Variants in CACNA2D3 observed in about 807,000 individuals in gnomAD.
CACNA2D3 encodes calcium voltage-gated channel auxiliary subunit alpha2delta 3.
A neutral mutation model predicts 160.6 loss-of-function variants in CACNA2D3; 60 were observed. The ratio of observed to expected loss-of-function variants is 0.37; its 90% confidence interval spans 0.30 to 0.46. The LOEUF (loss-of-function observed/expected upper bound fraction) is 0.46, where lower values mean the gene tolerates loss of function less well. Among genes scored for constraint, CACNA2D3 ranks in the 20% least tolerant of loss-of-function variants. CACNA2D3 has a pLI of 1.00. For synonymous variants in CACNA2D3, 558 were observed against 492.9 expected, an observed-to-expected ratio of 1.13 and a Z score of -1.75; for missense variants, 1,205 against 1,365.0, an observed-to-expected ratio of 0.88 and a Z score of 1.85.
chr3:54,343,479 T>G (rs1698398680), intron 3 of CACNA2D3, among the ~76,000 whole-genome samples: 1 of 152,078 alleles, frequency 6.6e-6, no homozygotes, highest in Non-Finnish European at 1.5e-5. Flanking sequence ...AGATGGGATT[T>G]CACCATGTGG....
At chr3:54,401,658 C>T (rs1427643844) in intron 4 of CACNA2D3, among the ~76,000 whole-genome samples, 2 of 152,064 alleles carry the variant, frequency 1.3e-5, no homozygotes, top group African/African-American at 2.4e-5. Flanking sequence ...TTAAAGGTGT[C>T]CTTCAGGAAT....
intron 29 of CACNA2D3, among the ~76,000 whole-genome samples, chr3:54,970,435 C>T (rs1702242966): frequency 7.6e-6 from 1 of 131,190 alleles, no homozygotes; most frequent in African/African-American, 2.9e-5. Context: ...CCCTCCTCTC[C>T]TCCCCTCCCC....
intron 11 of CACNA2D3, among the ~76,000 whole-genome samples, chr3:54,717,499 TGTG>T (rs1163593553): frequency 6.6e-6 from 1 of 152,184 alleles, no homozygotes; most frequent in African/African-American, 2.4e-5. Context: ...TTCTGGTGTG[TGTG>T]TCTGTGTATG....
At chr3:54,234,251 T>A (rs1231543455) in intron 2 of CACNA2D3, among the ~76,000 whole-genome samples, 1 of 152,030 alleles carries the variant, frequency 6.6e-6, no homozygotes, top group Non-Finnish European at 1.5e-5. Flanking sequence ...ATAGCTCAGA[T>A]CATTAGAGAA....
intron 9 of CACNA2D3, among the ~76,000 whole-genome samples, chr3:54,585,085 C>A (rs1186765680): frequency 6.6e-6 from 1 of 152,146 alleles, no homozygotes; most frequent in Non-Finnish European, 1.5e-5. Flanking sequence ...GAGAGAAGAA[C>A]ATTGGAATGA....
chr3:54,660,850 A>G (rs565832002), intron 11 of CACNA2D3, among the ~76,000 whole-genome samples: 1 of 152,162 alleles, frequency 6.6e-6, no homozygotes, highest in Non-Finnish European at 1.5e-5. Context: ...AGCTCGGTTC[A>G]TTGTTTGCTC....
chr3:54,620,870 G>A (rs1698970735), intron 9 of CACNA2D3, among the ~76,000 whole-genome samples: 1 of 152,194 alleles, frequency 6.6e-6, no homozygotes, highest in African/African-American at 2.4e-5. Flanking sequence ...TTTTAGGGGT[G>A]TTAGGAGGAT....
intron 2 of CACNA2D3, among the ~76,000 whole-genome samples, chr3:54,295,186 A>G (rs1703312764): frequency 6.6e-6 from 1 of 152,120 alleles, no homozygotes; most frequent in Admixed American, 6.6e-5. Context: ...GGGGTGCCAA[A>G]GGTGCATGGA....
intron 9 of CACNA2D3, among the ~76,000 whole-genome samples, chr3:54,597,044 A>T (rs1430663668): frequency 6.6e-6 from 1 of 152,144 alleles, no homozygotes; most frequent in African/African-American, 2.4e-5. Context: ...CAGGCTCTCC[A>T]TAGATAGCAT....
chr3:54,626,555 A>T, intron 9 of CACNA2D3: 2 of 1,597,562 alleles, frequency 1.3e-6, no homozygotes, highest in Non-Finnish European at 1.7e-6. Context: ...ATCGACCACT[A>T]CCTGGGCGAG....
At position 55,024,656 on chromosome 3, in the gene CACNA2D3, T is replaced by C. The variant is rs76239976; in HGVS notation, c.2987+6339T>C. 4.3e-3 allele frequency among the ~76,000 whole-genome samples: 656 copies of C among 152,312 alleles called. 5 individuals carry two copies. Among genetic ancestry groups the C allele is most frequent in the African/African-American group, 0.014 (590 of 41,568 alleles). ...TCTTGGGATTCCCAGCCTCCAAAACTGTGAGCAATAAATTTCCGTTGTTTA... is the reference window on the plus strand; with the variant it reads ...TCTTGGGATTCCCAGCCTCCAAAACCGTGAGCAATAAATTTCCGTTGTTTA... On this transcript the variant is annotated intron_variant, in intron 35 of 37. Coordinates refer to ENST00000474759, the MANE Select transcript of CACNA2D3 (RefSeq NM_018398.3).
At chr3:54,784,291 C>T (rs567425557) in intron 13 of CACNA2D3, among the ~76,000 whole-genome samples, 27 of 152,146 alleles carry the variant, frequency 1.8e-4, no homozygotes, top group African/African-American at 4.8e-4. Flanking sequence ...CAGTGATCTG[C>T]GGCTCGTGCT....
At chr3:54,556,308 A>G (rs1702241467) in intron 5 of CACNA2D3, among the ~76,000 whole-genome samples, 1 of 152,084 alleles carries the variant, frequency 6.6e-6, no homozygotes, top group Admixed American at 6.5e-5. Flanking sequence ...AGAGAGAGAG[A>G]TTTGACACAG....
intron 11 of CACNA2D3, among the ~76,000 whole-genome samples, chr3:54,649,437 CAG>C (rs1699717060): frequency 6.6e-6 from 1 of 152,228 alleles, no homozygotes; most frequent in South Asian, 2.1e-4. Flanking sequence ...CTCGGGAAAT[CAG>C]AGACTCCCTA....
At chr3:54,674,288 G>C (rs368618770) in intron 11 of CACNA2D3, among the ~76,000 whole-genome samples, 2 of 152,144 alleles carry the variant, frequency 1.3e-5, no homozygotes, top group East Asian at 1.9e-4. Context: ...CACAGAGCCT[G>C]AGCCTCATTC....
At chr3:54,489,919 T>G (rs981444943) in intron 4 of CACNA2D3, among the ~76,000 whole-genome samples, 1 of 152,160 alleles carries the variant, frequency 6.6e-6, no homozygotes, top group African/African-American at 2.4e-5. Flanking sequence ...AAAAAAATCA[T>G]TTTTCACATA....
intron 2 of CACNA2D3, among the ~76,000 whole-genome samples, chr3:54,319,476 A>G (rs1703942115): frequency 6.6e-6 from 1 of 152,188 alleles, no homozygotes; most frequent in Non-Finnish European, 1.5e-5. Flanking sequence ...TATCTTACCC[A>G]GCATCTTTAA....
At chr3:55,016,035 G>A (rs1299550630) in intron 34 of CACNA2D3, among the ~76,000 whole-genome samples, 2 of 152,106 alleles carry the variant, frequency 1.3e-5, no homozygotes, top group Non-Finnish European at 2.9e-5. Flanking sequence ...TATTTTATTT[G>A]TTTGAAAACA....
At chr3:54,636,719 G>A (rs1699381185) in intron 10 of CACNA2D3, among the ~76,000 whole-genome samples, 1 of 151,970 alleles carries the variant, frequency 6.6e-6, no homozygotes, top group Non-Finnish European at 1.5e-5. Context: ...TTTTGTAAGG[G>A]ATTGAGGTTT....
Sources: gnomAD v4.1 joint callset for allele counts (sites outside exome capture counted in the v4.1 genomes callset) on GRCh38, gnomAD v4.1.1 for gene constraint, MANE v1.5 for transcripts, NCBI Gene and HGNC (gene_info 2026-07-23, HGNC 2026-07-21) for gene names.